Variants in SCML4 observed in about 807,000 individuals in gnomAD.
SCML4 encodes the protein sex comb on midleg-like protein 4.
Under a neutral mutation model 41.1 loss-of-function variants are expected in SCML4, and 34 were observed. The observed-to-expected ratio is 0.83, with a 90% CI of 0.63 to 1.10. SCML4 has a LOEUF of 1.10. Ranked by LOEUF, SCML4 falls within the 50% of genes least tolerant of loss-of-function variation. SCML4 has a pLI of 0.00. For synonymous variants in SCML4, 214 were observed against 220.9 expected, an observed-to-expected ratio of 0.97 and a Z score of 0.28; for missense variants, 522 against 534.1, an observed-to-expected ratio of 0.98 and a Z score of 0.22.
chr6:107,793,337 C>G (rs1782479118), intron 1 of SCML4, among the ~76,000 whole-genome samples: 1 of 152,118 alleles, frequency 6.6e-6, no homozygotes. Context: ...AATGAGATAC[C>G]AGGTATCACA....
chr6:107,801,304 T>A (rs1288069044), intron 1 of SCML4, among the ~76,000 whole-genome samples: 3 of 152,108 alleles, frequency 2.0e-5, no homozygotes, highest in Non-Finnish European at 4.4e-5. Context: ...ATACACACGA[T>A]TCCCAACTCC....
intron 6 of SCML4, among the ~76,000 whole-genome samples, chr6:107,713,691 C>A (rs886119034): frequency 3.3e-5 from 5 of 152,210 alleles, no homozygotes; most frequent in African/African-American, 1.2e-4. Context: ...CCGACAGGGA[C>A]CCCTGTGTCC....
At chr6:107,838,001 A>G in the SCML4 span, among the ~76,000 whole-genome samples, 12 of 145,662 alleles carry the variant, frequency 8.2e-5, no homozygotes, top group African/African-American at 2.8e-4. Context: ...TCTGCTTCCC[A>G]GGTTCAAGCA....
At chr6:107,778,222 A>AAAAAAAAAATAT (rs1554218145) in intron 1 of SCML4, among the ~76,000 whole-genome samples, 1 of 15,540 alleles carries the variant, frequency 6.4e-5, no homozygotes, top group Non-Finnish European at 1.5e-4. Flanking sequence ...AAAAAAAAAA[A>AAAAAAAAAATAT]ATATATATAT....
the SCML4 span, among the ~76,000 whole-genome samples, chr6:107,837,054 T>C: frequency 3.9e-5 from 6 of 152,216 alleles, no homozygotes; most frequent in African/African-American, 1.4e-4. Context: ...TGTATATCCA[T>C]ACTGTTCCAG....
chr6:107,825,753 T>C (rs1287428821), upstream of SCML4, among the ~76,000 whole-genome samples: 2 of 150,508 alleles, frequency 1.3e-5, no homozygotes, highest in East Asian at 2.0e-4. Context: ...ATCCTGTGAA[T>C]GGTGAAACCC....
chr6:107,785,808 C>T (rs1052282291), intron 1 of SCML4, among the ~76,000 whole-genome samples: 16 of 152,076 alleles, frequency 1.1e-4, no homozygotes, highest in African/African-American at 3.9e-4. Context: ...ACCTAAGAGC[C>T]CAGGATGCTC....
chr6:107,774,618 A>G (rs1297621892), intron 1 of SCML4, among the ~76,000 whole-genome samples: 1 of 152,178 alleles, frequency 6.6e-6, no homozygotes, highest in East Asian at 1.9e-4. Flanking sequence ...AAACTCAGGA[A>G]TTATTTTTTT....
At chr6:107,792,457 C>T (rs1419548883) in intron 1 of SCML4, among the ~76,000 whole-genome samples, 2 of 152,240 alleles carry the variant, frequency 1.3e-5, no homozygotes, top group Admixed American at 6.5e-5. Flanking sequence ...GGGGGCCGGG[C>T]GTTGTGGTTC....
intron 2 of SCML4, among the ~76,000 whole-genome samples, chr6:107,760,516 T>A (rs1779498755): frequency 6.6e-6 from 1 of 152,178 alleles, no homozygotes; most frequent in African/African-American, 2.4e-5. Flanking sequence ...CACATATATT[T>A]GCATCCCAAA....
intron 1 of SCML4, among the ~76,000 whole-genome samples, chr6:107,789,042 C>T (rs1692826085): frequency 6.6e-6 from 1 of 152,192 alleles, no homozygotes; most frequent in Non-Finnish European, 1.5e-5. Flanking sequence ...GTTGCTCCAC[C>T]AGGGACACTG....
At chr6:107,790,013 G>A (rs1276839404) in intron 1 of SCML4, among the ~76,000 whole-genome samples, 1 of 152,178 alleles carries the variant, frequency 6.6e-6, no homozygotes, top group Non-Finnish European at 1.5e-5. Flanking sequence ...GACAGCTCAG[G>A]AAGGCTCCAG....
At chr6:107,721,577 T>G (rs572198594) in intron 5 of SCML4, among the ~76,000 whole-genome samples, 4 of 151,976 alleles carry the variant, frequency 2.6e-5, no homozygotes, top group African/African-American at 9.6e-5. Context: ...GCAGTGGCTC[T>G]GCCCTCACAG....
chr6:107,720,035 A>G, intron 6 of SCML4: 1 of 985,492 alleles, frequency 1.0e-6, no homozygotes, highest in Middle Eastern at 5.2e-4. Flanking sequence ...AAGTGGCATT[A>G]CAACCAGCAT....
intron 5 of SCML4, among the ~76,000 whole-genome samples, chr6:107,739,155 CT>C (rs1440294694): frequency 6.6e-6 from 1 of 152,100 alleles, no homozygotes; most frequent in Non-Finnish European, 1.5e-5. Flanking sequence ...ACCTGGGGAT[CT>C]GTTGTTTGAA....
Position 107,707,862 on chromosome 6 carries a change from A to G in SCML4, c.1119+4T>C. On this transcript the variant is annotated splice_donor_region_variant and intron_variant, in intron 7 of 7. Transcript: ENST00000369020. ...CCCCAAGGTCAAACCCACCACTCGC[A>G]TACGTGCTTTCTGAAGAGCTCCACG... 6.4e-7 allele frequency: 1 copy of G among 1,551,660 alleles called. No homozygotes were observed. The highest frequency in any genetic ancestry group is 8.7e-7 in the Non-Finnish European group (1 of 1,146,982).
intron 1 of SCML4, among the ~76,000 whole-genome samples, chr6:107,778,188 C>G (rs1478077803): frequency 1.0e-5 from 1 of 96,806 alleles, no homozygotes; most frequent in Non-Finnish European, 2.1e-5. Flanking sequence ...GTGAGCGAGA[C>G]TCTATCTCAA....
At chr6:107,776,316 G>A (rs1051611640) in intron 1 of SCML4, among the ~76,000 whole-genome samples, 5 of 152,064 alleles carry the variant, frequency 3.3e-5, no homozygotes, top group African/African-American at 9.7e-5. Flanking sequence ...AAGTAGTCAC[G>A]GTTTTTACCA....
At chr6:107,723,774 G>T (rs759872507) in intron 5 of SCML4, among the ~76,000 whole-genome samples, 1 of 152,052 alleles carries the variant, frequency 6.6e-6, no homozygotes, top group Non-Finnish European at 1.5e-5. Flanking sequence ...AATAGAAGGG[G>T]GTGGAATACT....
Sources: gnomAD v4.1 joint callset for allele counts (sites outside exome capture counted in the v4.1 genomes callset) on GRCh38, gnomAD v4.1.1 for gene constraint, MANE v1.5 for transcripts, NCBI Gene and HGNC (gene_info 2026-07-23, HGNC 2026-07-21) for gene names.